Variants in CSN3 observed in about 807,000 individuals in gnomAD.
The protein encoded by CSN3 is casein kappa.
Under a neutral mutation model 9.9 loss-of-function variants are expected in CSN3, and 7 were observed. The observed-to-expected ratio is 0.71, with a 90% CI of 0.40 to 1.33. The LOEUF (loss-of-function observed/expected upper bound fraction) is 1.33. Ranked by LOEUF, CSN3 falls within the 40% of genes most tolerant of loss-of-function variation. The pLI, the probability that CSN3 is intolerant of heterozygous loss-of-function variation, is 0.01. For synonymous variants in CSN3, 88 were observed against 82.3 expected (o/e 1.07, Z -0.37); for missense variants, 253 against 227.9 (o/e 1.11, Z -0.71).
chr4:70,240,171 A>G (rs1225908167), upstream of CSN3, among the ~76,000 whole-genome samples: 1 of 150,318 alleles, frequency 6.7e-6, no homozygotes, highest in East Asian at 2.0e-4. Flanking sequence ...CATTAACAGA[A>G]TAACAAGAAG....
At chr4:70,242,096 T>C (rs1730282002), upstream of CSN3, among the ~76,000 whole-genome samples, 1 of 151,988 alleles carries the variant, frequency 6.6e-6, no homozygotes, top group Non-Finnish European at 1.5e-5. Flanking sequence ...GTATTGTGGC[T>C]ATTTTTCATT....
At chr4:70,242,278 TTTTTATTTTATTTTATTTTATTTTA>T (rs200342051), upstream of CSN3, among the ~76,000 whole-genome samples, 1 of 134,366 alleles carries the variant, frequency 7.4e-6, no homozygotes, top group African/African-American at 2.6e-5. Context: ...CTGCATTTCT[TTTTTATTTTATTTTATTTTATTTTA>T]TTTTATTTTA....
At chr4:70,244,669 G>C in intron 1 of CSN3, 143 bp from the exon 2 acceptor site, 2 of 402,352 alleles carry the variant, frequency 5.0e-6, no homozygotes, top group Non-Finnish European at 8.5e-6. Context: ...ACATTCTTTT[G>C]TTAAAATAAA....
At chr4:70,249,453 G>A (rs753060878) in exon 4 of CSN3, 12 of 1,610,146 alleles carry the variant, frequency 7.5e-6, no homozygotes, top group African/African-American at 4.0e-5. Context: ...CTCCACCTAC[G>A]GCATAAAAAC....
chr4:70,249,486 C>T, exon 4 of CSN3: 1 of 1,543,388 alleles, frequency 6.5e-7, no homozygotes, highest in Non-Finnish European at 8.9e-7. Flanking sequence ...TCAAAGAACA[C>T]AACGCAGGTA....
upstream of CSN3, among the ~76,000 whole-genome samples, chr4:70,241,806 A>G (rs548673684): frequency 6.6e-6 from 1 of 152,162 alleles, no homozygotes; most frequent in East Asian, 1.9e-4. Flanking sequence ...TCATAAGAGG[A>G]TAATAAATCA....
intron 2 of CSN3, among the ~76,000 whole-genome samples, chr4:70,245,997 C>T (rs1271968431): frequency 6.6e-6 from 1 of 152,066 alleles, no homozygotes; most frequent in Non-Finnish European, 1.5e-5. Flanking sequence ...GCTACCTGAG[C>T]CGGATTCGTC....
chr4:70,240,028 G>A (rs1426858122), upstream of CSN3, among the ~76,000 whole-genome samples: 2 of 151,914 alleles, frequency 1.3e-5, no homozygotes, highest in South Asian at 2.1e-4. Context: ...GAACAAAATA[G>A]AGTGTTGAGG....
At chr4:70,241,791 T>C (rs1730275414), upstream of CSN3, among the ~76,000 whole-genome samples, 2 of 151,986 alleles carry the variant, frequency 1.3e-5, no homozygotes, top group Non-Finnish European at 1.5e-5. Flanking sequence ...TTAAAAAAAG[T>C]TTATTCATAA....
intron 1 of CSN3, among the ~76,000 whole-genome samples, chr4:70,244,216 A>T (rs1730327812): frequency 6.6e-6 from 1 of 152,040 alleles, no homozygotes; most frequent in Non-Finnish European, 1.5e-5. Context: ...ACCCATCATT[A>T]TCTTAAAGGT....
chr4:70,241,876 C>T (rs1390957160), upstream of CSN3, among the ~76,000 whole-genome samples: 2 of 151,910 alleles, frequency 1.3e-5, no homozygotes, highest in East Asian at 3.9e-4. Context: ...GCAAATGATT[C>T]CCCACTATAT....
At chr4:70,247,923 T>C (rs1271584821) in intron 3 of CSN3, 73 bp downstream of exon 3, 3 of 1,082,270 alleles carry the variant, frequency 2.8e-6, no homozygotes, top group Non-Finnish European at 4.0e-6. Context: ...AATTGTATTA[T>C]AGATGCCTTC....
chr4:70,240,855 G>T (rs1329847479), upstream of CSN3, among the ~76,000 whole-genome samples: 3 of 151,818 alleles, frequency 2.0e-5, no homozygotes, highest in Non-Finnish European at 4.4e-5. Flanking sequence ...TATTGTATGT[G>T]CTCAAATAAT....
chr4:70,250,266 A>G (rs1488311657), intron 4 of CSN3, among the ~76,000 whole-genome samples: 4 of 151,870 alleles, frequency 2.6e-5, no homozygotes, highest in African/African-American at 9.7e-5. Flanking sequence ...TTGGGGAGAA[A>G]GTTGCAAAAT....
rs57550378 is a variant in CSN3 at position 70,248,985 on chromosome 4, A to ATT, written c.88-6_88-5dup. On this transcript the variant is annotated splice_polypyrimidine_tract_variant and intron_variant, in intron 3 of 4. Coordinates refer to ENST00000304954, the Ensembl canonical transcript of CSN3. The stretch of plus-strand genomic sequence containing the variant: ...ATAATAATAATATTCTGTATAATTT[A>ATT]TTTTTTTTGCAGTGCCATGAGAATG... The ATT allele has an allele frequency of 2.2e-3, 3,316 of 1,524,786 alleles. 5 individuals carry two copies. Among genetic ancestry groups the ATT allele is most frequent in the Non-Finnish European group, 2.7e-3 (3,054 of 1,131,706 alleles). The allele number at this position is 1,524,786 out of a possible 1,614,324, so 94.5% of individuals were successfully genotyped here. A position where few individuals can be genotyped will look rare whatever the true frequency, so the allele number is the denominator to read the frequency against.
chr4:70,248,287 C>G (rs1029448017), intron 3 of CSN3, among the ~76,000 whole-genome samples: 1 of 151,994 alleles, frequency 6.6e-6, no homozygotes, highest in Non-Finnish European at 1.5e-5. Context: ...TTAAATGTGT[C>G]TCGTTTTAGG....
At chr4:70,249,108 A>G (rs758542548) in exon 4 of CSN3, 1 of 1,614,094 alleles carries the variant, frequency 6.2e-7, no homozygotes. Flanking sequence ...ACCAACGTAG[A>G]CCAGCTATAG....
chr4:70,247,345 TTA>T (rs2109697421), intron 2 of CSN3, among the ~76,000 whole-genome samples: 1 of 152,226 alleles, frequency 6.6e-6, no homozygotes, highest in East Asian at 1.9e-4. Flanking sequence ...ACACTATTAT[TTA>T]TATGTTAAGT....
At chr4:70,244,960 T>A (rs933373203) in intron 2 of CSN3, 87 bp downstream of exon 2, 12 of 657,394 alleles carry the variant, frequency 1.8e-5, no homozygotes, top group Non-Finnish European at 2.7e-5. Context: ...TAAATACAAT[T>A]ATGCTTCATA....
Sources: gnomAD v4.1 joint callset for allele counts (sites outside exome capture counted in the v4.1 genomes callset) on GRCh38, gnomAD v4.1.1 for gene constraint, MANE v1.5 for transcripts, NCBI Gene and HGNC (gene_info 2026-07-23, HGNC 2026-07-21) for gene names.